Variants in SRPRA observed in about 807,000 individuals in gnomAD.
SRPRA encodes the protein signal recognition particle receptor subunit alpha.
In SRPRA, 30 loss-of-function variants were observed where a neutral mutation model predicts 61.1. The ratio of observed to expected loss-of-function variants is 0.49; its 90% CI spans 0.37 to 0.67. SRPRA has a LOEUF of 0.67. SRPRA is among the 30% of genes least tolerant of loss of function. The pLI is 0.00. For synonymous variants in SRPRA, 324 were observed against 299.7 expected (o/e 1.08, Z -0.84); for missense variants, 759 against 828.4 (o/e 0.92, Z 1.03).
intron 6 of SRPRA, 31 bp downstream of exon 6, chr11:126,266,445 A>G: frequency 6.2e-7 from 1 of 1,606,630 alleles, no homozygotes; most frequent in Non-Finnish European, 8.5e-7. Context: ...ATTTGTTGTT[A>G]AAGATCACTT....
downstream of SRPRA, chr11:126,260,371 TC>T (rs1194796975): frequency 2.0e-5 from 3 of 149,910 alleles, no homozygotes; most frequent in African/African-American, 7.5e-5. Context: ...GTGCTTTTTT[TC>T]ATAGTTGTAA....
Position 126,265,476 on chromosome 11 carries a change from A to G in SRPRA, c.1139-36T>C. 1 of 1,593,224 alleles carries G rather than the reference A, an allele frequency of 6.3e-7. No individual in the cohort carries two copies. Among genetic ancestry groups the G allele is most frequent in the African/African-American group, 1.3e-5 (1 of 74,412 alleles). ...AGGTGGAGGAGGTTGCAGCTGTGAA[A>G]CTCAAGGAATGCTCTCAAAAATGCC... On this transcript the variant is annotated intron_variant, in intron 9 of 13. Transcript: ENST00000332118. This position sits in a 1 kb window ranked among gnomAD's most constrained non-coding sequence, Gnocchi z 6.3.
At chr11:126,236,364 C>T in the SRPRA span, among the ~76,000 whole-genome samples, 1 of 152,204 alleles carries the variant, frequency 6.6e-6, no homozygotes, top group African/African-American at 2.4e-5. Context: ...TTTAGTATCT[C>T]TCATTCATAC....
chr11:126,267,092 TGA>T lies in SRPRA; in HGVS notation c.526+81_526+82del. On this transcript the variant is annotated intron_variant, in intron 4 of 13. Coordinates refer to ENST00000332118, the MANE Select transcript of SRPRA (RefSeq NM_003139.4). This position sits in a 1 kb window ranked among gnomAD's most constrained non-coding sequence, Gnocchi z 4.2. ...ATTTGAGTGAGAAGCAGGTAAGCAATGACAAAAGGAAGGACCACCTCAGTCCT... is the reference window on the plus strand; with the variant it reads ...ATTTGAGTGAGAAGCAGGTAAGCAATCAAAAGGAAGGACCACCTCAGTCCT... The T allele has an allele frequency of 6.4e-7, 1 of 1,561,358 alleles. No homozygotes were observed.
the SRPRA span, among the ~76,000 whole-genome samples, chr11:126,243,778 C>T: frequency 6.6e-6 from 1 of 151,896 alleles, no homozygotes; most frequent in Non-Finnish European, 1.5e-5. Context: ...GTAGTGCATG[C>T]CTGTAATCCC....
the SRPRA span, among the ~76,000 whole-genome samples, chr11:126,245,540 A>G: frequency 6.6e-6 from 1 of 151,950 alleles, no homozygotes; most frequent in South Asian, 2.1e-4. Context: ...CAAGAAAGTG[A>G]AAACAGAGCC....
Position 126,266,292 on chromosome 11 carries a change from G to T in SRPRA, c.841-14C>A. ...AGTCCCTCGAATCTGGAAGATACGG[G>T]GAAAGGATGTGGGGTCAGGAACACT... On this transcript the variant is annotated splice_polypyrimidine_tract_variant and intron_variant, in intron 6 of 13. Transcript: ENST00000332118. 1.2e-6 allele frequency: 2 copies of T among 1,613,702 alleles called. No individual in the cohort carries two copies.
chr11:126,260,926 A>T (rs1477226088), downstream of SRPRA: 2 of 154,852 alleles, frequency 1.3e-5, no homozygotes, highest in Admixed American at 1.3e-4. Context: ...TGCACCGTTG[A>T]AATGTGGCCA....
At chr11:126,262,108 T>C, downstream of SRPRA, 1 of 1,614,080 alleles carries the variant, frequency 6.2e-7, no homozygotes, top group Non-Finnish European at 8.5e-7. Flanking sequence ...TCTCTTTTCT[T>C]TCTCCCTACA....
the SRPRA span, among the ~76,000 whole-genome samples, chr11:126,239,686 G>C: frequency 6.6e-6 from 1 of 152,066 alleles, no homozygotes; most frequent in African/African-American, 2.4e-5. Context: ...GCTAATTTTT[G>C]TATTTTTAGT....
Position 126,267,764 on chromosome 11 carries a change from T to C in SRPRA, c.202-52A>G. 6.2e-7 allele frequency: 1 copy of C among 1,604,250 alleles called. No homozygotes were observed. Among genetic ancestry groups the C allele is most frequent in the South Asian group, 1.1e-5 (1 of 90,482 alleles). ...GATCTGCTTACATACTAGCCTAGAA[T>C]GGAGGGACGCCAACTCAACCCTGGC... On this transcript the variant is annotated intron_variant, in intron 2 of 13. Transcript: ENST00000332118. The surrounding 1 kb of genome is among the most constrained non-coding windows in gnomAD (Gnocchi z 4.2).
Position 126,264,697 on chromosome 11 carries a change from C to T in SRPRA, c.1526-158G>A. ...GAGAAAAACTTGATTATATGCTTGG[C>T]CATCACCAAACATATTCAGGAAAAG... On this transcript the variant is annotated intron_variant, in intron 11 of 13. Transcript: ENST00000332118. This position sits in a 1 kb window ranked among gnomAD's most constrained non-coding sequence, Gnocchi z 5.0. 1 of 888,826 alleles carries T rather than the reference C, an allele frequency of 1.1e-6. No homozygotes were observed. Among genetic ancestry groups the T allele is most frequent in the Non-Finnish European group, 1.7e-6 (1 of 599,200 alleles). The allele number at this position is 888,826 out of a possible 1,614,324, so 55.1% of individuals were successfully genotyped here.
Position 126,265,141 on chromosome 11 carries a change from C to T in SRPRA, c.1343G>A (p.Ser448Asn). 2 of 1,614,168 alleles carry T rather than the reference C, an allele frequency of 1.2e-6. No homozygotes were observed. Among genetic ancestry groups the T allele is most frequent in the East Asian group, 2.2e-5 (1 of 44,888 alleles). The change falls in exon 11 of 14, where the codon AGT becomes AAT. Residue 448 changes from serine (S) to asparagine (N), a missense_variant. By Grantham distance (46) the Ser-to-Asn change is conservative. Around this residue, in one of 2 missense-constraint regions of SRPRA, gnomAD observed 284 missense variants for 365.9 expected, o/e 0.78. Transcript: ENST00000332118. This position sits in a 1 kb window ranked among gnomAD's most constrained non-coding sequence, Gnocchi z 6.3. The part of the protein sequence containing the change: ...ISFWLLENGF[S>N]VLIAACDTFR... ...TGTATCACAGGCAGCAATGAGGACA[C>T]TGAAGCCATTCTCTAACAACCAGAA... is the stretch of plus-strand genomic sequence containing the variant.
downstream of SRPRA, chr11:126,260,738 C>T (rs1176688021): frequency 6.6e-6 from 1 of 152,132 alleles, no homozygotes; most frequent in Non-Finnish European, 1.5e-5. Flanking sequence ...AGTACCATGC[C>T]TGTTTATACT....
chr11:126,249,572 A>T, the SRPRA span, among the ~76,000 whole-genome samples: 2 of 151,942 alleles, frequency 1.3e-5, no homozygotes, highest in African/African-American at 4.8e-5. Context: ...CTCTACTAAA[A>T]ATACAAAAAT....
downstream of SRPRA, chr11:126,262,299 C>T (rs1950717384): frequency 9.1e-6 from 5 of 550,016 alleles, no homozygotes; most frequent in East Asian, 1.9e-4. Context: ...CGTAATCCTT[C>T]ATACCACCTG....
intron 1 of SRPRA, 40 bp downstream of exon 1, chr11:126,268,648 G>A (rs200646984): frequency 6.4e-7 from 1 of 1,561,158 alleles, no homozygotes; most frequent in Non-Finnish European, 8.8e-7. Context: ...ATCGGGTCAG[G>A]AAAGAAGAGC....
At position 126,264,889 on chromosome 11, in the gene SRPRA, GCAAATTC is replaced by G; in HGVS notation, c.1525+63_1525+69del. 1.4e-6 allele frequency: 2 copies of G among 1,440,566 alleles called. No homozygotes were observed. Among genetic ancestry groups the G allele is most frequent in the South Asian group, 2.5e-5 (2 of 78,614 alleles). The allele number at this position is 1,440,566 out of a possible 1,614,324, so 89.2% of individuals were successfully genotyped here. On this transcript the variant is annotated intron_variant, in intron 11 of 13. Coordinates refer to ENST00000332118, the MANE Select transcript of SRPRA (RefSeq NM_003139.4). The surrounding 1 kb of genome is among the most constrained non-coding windows in gnomAD (Gnocchi z 5.0). Reference sequence around the variant, plus strand: ...TGTAGTAGCACAAGCCTGATCTTCTGCAAATTCCAAGAGAACCCAAGGAGAAAAAGGG... The same window carrying G: ...TGTAGTAGCACAAGCCTGATCTTCTGCAAGAGAACCCAAGGAGAAAAAGGG...
chr11:126,263,811 G>T lies in SRPRA; in HGVS notation c.*105C>A. 1 of 1,504,720 alleles carries T rather than the reference G, an allele frequency of 6.6e-7. No homozygotes were observed. The highest frequency in any genetic ancestry group is 1.3e-5 in the South Asian group (1 of 78,084). 93.2% of individuals were successfully genotyped at this position (1,504,720 alleles called of 1,614,324 possible). A position where few individuals can be genotyped will look rare whatever the true frequency, so the allele number is the denominator to read the frequency against. On this transcript the variant is annotated 3_prime_UTR_variant, in exon 14 of 14. Coordinates refer to ENST00000332118, the MANE Select transcript of SRPRA (RefSeq NM_003139.4). ...CCACAAGCCCCCTCACTCTGCCTTT[G>T]TACTACACTGAAGACAGGTTGCTCA...
Sources: allele counts gnomAD v4.1 joint callset (sites outside exome capture counted in the v4.1 genomes callset), GRCh38; gene constraint gnomAD v4.1.1; regional missense constraint gnomAD v4.1.1; non-coding constraint Gnocchi (gnomAD v3.1); transcripts MANE v1.5; gene names NCBI Gene and HGNC (gene_info 2026-07-23, HGNC 2026-07-21).